MYOF: variants seen among roughly 807,000 people sequenced by gnomAD.
MYOF encodes fer-1-like 3, myoferlin.
In MYOF, 244 loss-of-function variants were observed where a neutral mutation model predicts 284.2. The observed-to-expected ratio is 0.86, with a 90% confidence interval of 0.77 to 0.95. MYOF has a LOEUF of 0.95. Ranked by LOEUF, MYOF falls within the 40% of genes least tolerant of loss-of-function variation. The probability of loss-of-function intolerance (pLI) is 0.00; values close to 1 mark genes in which losing one functional copy is unlikely to be tolerated. For missense variants in MYOF, 2,496 were observed against 2,560.6 expected, an observed-to-expected ratio of 0.97 and a Z score of 0.54; for synonymous variants, 904 against 919.7, an observed-to-expected ratio of 0.98 and a Z score of 0.31.
In MYOF at chr10:93,444,735, G is replaced by A. The variant is rs1195970134; in HGVS notation, c.236+7315C>T. On this transcript the variant is annotated intron_variant, in intron 3 of 53. Transcript: ENST00000359263. ...TACGCAGTACCTCTTTTTTCTCCTG[G>A]GCATGTGTGTCCACGTGTGCATACA... is the stretch of plus-strand genomic sequence containing the variant. Among the ~76,000 whole-genome samples, 3 of 152,286 alleles carry A rather than the reference G, an allele frequency of 2.0e-5. No individual in the cohort carries two copies. The East Asian group carries it at 5.8e-4, about 29-fold the overall frequency.
At chr10:93,401,833 T>A (rs1365146880) in intron 11 of MYOF, among the ~76,000 whole-genome samples, 1 of 16,178 alleles carries the variant, frequency 6.2e-5, no homozygotes, top group African/African-American at 1.0e-4. Context: ...GTGTGTGTGA[T>A]CCTGATGTCC....
At chr10:93,324,946 A>G (rs777607490) in intron 46 of MYOF, among the ~76,000 whole-genome samples, 23 of 151,786 alleles carry the variant, frequency 1.5e-4, no homozygotes, top group Non-Finnish European at 3.2e-4. Flanking sequence ...CGCCCAGCTA[A>G]TTTTTGTATT....
chr10:93,355,593 A>G (rs778892146), intron 31 of MYOF, 35 bp downstream of exon 31: 2 of 1,528,158 alleles, frequency 1.3e-6, no homozygotes, highest in East Asian at 2.3e-5. Flanking sequence ...AAAATAAAAT[A>G]AAATAAAATA....
intron 4 of MYOF, among the ~76,000 whole-genome samples, chr10:93,430,589 A>G (rs1258111257): frequency 6.6e-6 from 1 of 151,892 alleles, no homozygotes; most frequent in East Asian, 1.9e-4. Context: ...CTCAAAAAAA[A>G]AAAAAAAAAA....
chr10:93,398,250 A>G (rs562946156), intron 13 of MYOF, among the ~76,000 whole-genome samples: 20 of 151,990 alleles, frequency 1.3e-4, no homozygotes, highest in Admixed American at 5.9e-4. Context: ...CCCTGCCTGG[A>G]TGCCTCCCTC....
At chr10:93,332,656 T>C (rs988471005) in intron 43 of MYOF, among the ~76,000 whole-genome samples, 2 of 149,750 alleles carry the variant, frequency 1.3e-5, no homozygotes, top group Non-Finnish European at 3.0e-5. Flanking sequence ...CCACCCTGGC[T>C]AACACGGTGA....
At chr10:93,411,060 G>A (rs897521892) in intron 5 of MYOF, among the ~76,000 whole-genome samples, 1 of 152,218 alleles carries the variant, frequency 6.6e-6, no homozygotes, top group Non-Finnish European at 1.5e-5. Flanking sequence ...TACTGTAAAG[G>A]TGTAATTATC....
chr10:93,332,379 T>G (rs1018271266), intron 43 of MYOF, among the ~76,000 whole-genome samples: 14 of 151,872 alleles, frequency 9.2e-5, no homozygotes, highest in African/African-American at 3.4e-4. Context: ...CACACCACCA[T>G]GCCTAGCTAA....
At chr10:93,420,036 G>A (rs1848291588) in intron 5 of MYOF, among the ~76,000 whole-genome samples, 1 of 152,178 alleles carries the variant, frequency 6.6e-6, no homozygotes, top group African/African-American at 2.4e-5. Context: ...GGGAGGCTGA[G>A]GCAGGAGAAT....
intron 50 of MYOF, among the ~76,000 whole-genome samples, chr10:93,314,114 A>C (rs1022572986): frequency 9.2e-5 from 14 of 152,114 alleles, no homozygotes; most frequent in Non-Finnish European, 1.9e-4. Context: ...TTTGAGACTG[A>C]GTCTCTCTCT....
chr10:93,370,711 C>T (rs1052599022), intron 24 of MYOF, among the ~76,000 whole-genome samples: 3 of 152,144 alleles, frequency 2.0e-5, no homozygotes, highest in African/African-American at 7.2e-5. Context: ...ACTTCTGCTG[C>T]ATATTGGCAT....
intron 1 of MYOF, among the ~76,000 whole-genome samples, chr10:93,466,346 A>G (rs1319285719): frequency 6.6e-6 from 1 of 152,154 alleles, no homozygotes. Flanking sequence ...CACTGATATC[A>G]CTGATAAACA....
intron 3 of MYOF, among the ~76,000 whole-genome samples, chr10:93,432,188 G>A (rs537280058): frequency 3.9e-5 from 6 of 152,214 alleles, no homozygotes; most frequent in African/African-American, 1.4e-4. Context: ...AGGAGTTTGA[G>A]ACCAGCCTGG....
chr10:93,479,673 T>C (rs545706088), intron 1 of MYOF, among the ~76,000 whole-genome samples: 2 of 152,238 alleles, frequency 1.3e-5, no homozygotes, highest in East Asian at 1.9e-4. Context: ...AGCTGAGAAA[T>C]TGGAGACCCA....
At chr10:93,394,443 C>CTTTTTTTTTTTTTTT (rs1193314228) in intron 16 of MYOF, among the ~76,000 whole-genome samples, 2 of 58,860 alleles carry the variant, frequency 3.4e-5, no homozygotes, top group Non-Finnish European at 3.7e-5. Context: ...TGGTCACCAT[C>CTTTTTTTTTTTTTTT]TTGTCTTTTT....
intron 1 of MYOF, 57 bp from the exon 2 acceptor site, chr10:93,456,994 G>A (rs1351546963): frequency 6.1e-6 from 8 of 1,310,366 alleles, no homozygotes; most frequent in Non-Finnish European, 7.5e-6. Flanking sequence ...TAAAGAGCGT[G>A]GGCCATTCAT....
chr10:93,337,995 A>G (rs925815967), intron 39 of MYOF, 82 bp from the exon 40 acceptor site: 2 of 1,006,238 alleles, frequency 2.0e-6, no homozygotes, highest in Non-Finnish European at 3.1e-6. Flanking sequence ...TGTAATAGTT[A>G]AGAAGAAATA....
At chr10:93,407,689 C>G (rs1248311374) in intron 7 of MYOF, among the ~76,000 whole-genome samples, 10 of 139,176 alleles carry the variant, frequency 7.2e-5, no homozygotes, top group Non-Finnish European at 3.0e-5. Context: ...AGTAAGCCAA[C>G]ATCACGCCAC....
rs1466112680 is a variant in MYOF, at chr10:93,337,843, T to C, written c.4409A>G (p.Tyr1470Cys). The C allele has an allele frequency of 1.9e-6, 3 of 1,614,126 alleles. No homozygotes were observed. The highest frequency in any genetic ancestry group is 1.1e-5 in the South Asian group (1 of 91,074). ...GAGCTTGGAATAGCCTTTCTGAATATACTGTCCGCATTTTTCATGTTCCCC... is the reference window on the plus strand; with the variant it reads ...GAGCTTGGAATAGCCTTTCTGAATACACTGTCCGCATTTTTCATGTTCCCC... ...SSGEHEKCGQ[Y>C]IQKGYSKLKI... is the part of the protein sequence containing the mutation. The change falls in exon 40 of 54, where the codon TAT becomes TGT. Residue 1470 changes from tyrosine (Y) to cysteine (C), a missense_variant. This residue lies in a region of MYOF where 2,436 missense variants were observed against 2,480.7 expected (regional missense o/e 0.98). Coordinates refer to ENST00000359263, the MANE Select transcript of MYOF (RefSeq NM_013451.4).
Sources: gnomAD v4.1 joint callset for allele counts (sites outside exome capture counted in the v4.1 genomes callset) on GRCh38, gnomAD v4.1.1 for gene constraint, gnomAD v4.1.1 regional missense constraint, MANE v1.5 for transcripts, NCBI Gene and HGNC (gene_info 2026-07-23, HGNC 2026-07-21) for gene names.